The following CBFA2T2 variants were observed in gnomAD, a reference collection of about 807,000 sequenced individuals.
CBFA2T2 encodes the protein CBFA2/RUNX1 partner transcriptional co-repressor 2.
A neutral mutation model predicts 62.2 loss-of-function variants in CBFA2T2; 11 were observed. That is an observed-to-expected ratio of 0.18 (90% CI 0.11 to 0.29). The LOEUF (loss-of-function observed/expected upper bound fraction) is 0.29. Ranked by LOEUF, CBFA2T2 falls within the 10% of genes least tolerant of loss-of-function variation. CBFA2T2 has a pLI of 1.00. For missense variants in CBFA2T2, 592 were observed against 774.1 expected (o/e 0.76, Z 2.79); for synonymous variants, 295 against 287.5 (o/e 1.03, Z -0.27).
At chr20:33,633,937 T>C (rs2016539903) in intron 8 of CBFA2T2, among the ~76,000 whole-genome samples, 1 of 152,210 alleles carries the variant, frequency 6.6e-6, no homozygotes, top group Admixed American at 6.5e-5. Context: ...TGGTCAGCCA[T>C]CTAACTTTGC....
At chr20:33,575,665 A>G (rs1237419271) in intron 1 of CBFA2T2, among the ~76,000 whole-genome samples, 1 of 152,022 alleles carries the variant, frequency 6.6e-6, no homozygotes, top group Non-Finnish European at 1.5e-5. Context: ...ATCGGGTGTT[A>G]TACTAGGAAC....
intron 1 of CBFA2T2, among the ~76,000 whole-genome samples, chr20:33,564,754 AG>A (rs2013231160): frequency 1.3e-5 from 2 of 148,522 alleles, no homozygotes; most frequent in Admixed American, 1.3e-4. Context: ...TAATTTTGGT[AG>A]TTTTTATACA....
intron 1 of CBFA2T2, among the ~76,000 whole-genome samples, chr20:33,556,108 C>A (rs1159812705): frequency 6.6e-6 from 1 of 152,228 alleles, no homozygotes; most frequent in East Asian, 1.9e-4. Context: ...CTTAAGTAAG[C>A]CACCTTCCTT....
At chr20:33,532,435 T>A (rs1204308660) in intron 1 of CBFA2T2, among the ~76,000 whole-genome samples, 2 of 152,200 alleles carry the variant, frequency 1.3e-5, no homozygotes, top group Non-Finnish European at 2.9e-5. Context: ...ATCTACTAGC[T>A]CTTTTTCACC....
intron 3 of CBFA2T2, among the ~76,000 whole-genome samples, chr20:33,614,413 T>C (rs1224683871): frequency 6.6e-6 from 1 of 152,230 alleles, no homozygotes; most frequent in Admixed American, 6.5e-5. Context: ...TTTTTTTGAA[T>C]TGTGATGAAA....
intron 3 of CBFA2T2, among the ~76,000 whole-genome samples, chr20:33,617,648 A>T (rs1601074967): frequency 6.6e-6 from 1 of 152,354 alleles, no homozygotes; most frequent in East Asian, 1.9e-4. Context: ...TGCAGTAGAT[A>T]TAAAAGAGTG....
At position 33,515,574 on chromosome 20, in the gene CBFA2T2, G is replaced by GT. The variant is rs566037935; in HGVS notation, c.34+25274dup. The stretch of plus-strand genomic sequence containing the variant: ...CACTCTGTCATCCAGCGAGGCTGAG[G>GT]TGGGTGGGTCAGAGACCTCAAGTTT... On this transcript the variant is annotated intron_variant, in intron 1 of 10. Coordinates refer to ENST00000342704, the MANE Select transcript of CBFA2T2 (RefSeq NM_001032999.3). Among the ~76,000 whole-genome samples, 9 of 151,856 alleles carry GT rather than the reference G, an allele frequency of 5.9e-5. No individual in the cohort carries two copies. In the East Asian group the frequency reaches 1.4e-3, roughly 23 times the overall value.
At chr20:33,529,951 A>T (rs917812859) in intron 1 of CBFA2T2, among the ~76,000 whole-genome samples, 6 of 151,320 alleles carry the variant, frequency 4.0e-5, no homozygotes, top group African/African-American at 1.5e-4. Context: ...CACCTGGATA[A>T]TTTTTTTGTA....
At chr20:33,542,084 A>G (rs2012424201) in intron 1 of CBFA2T2, among the ~76,000 whole-genome samples, 1 of 152,170 alleles carries the variant, frequency 6.6e-6, no homozygotes, top group Admixed American at 6.5e-5. Context: ...CACCTGAAGA[A>G]CTTATTAAAG....
chr20:33,546,430 T>A lies in CBFA2T2; in HGVS notation c.34+56129T>A, dbSNP rs115608411. 5.5e-3 allele frequency among the ~76,000 whole-genome samples: 830 copies of A among 151,052 alleles called. 5 individuals carry two copies. Among genetic ancestry groups the A allele is most frequent in the African/African-American group, 0.019 (774 of 41,294 alleles). On this transcript the variant is annotated intron_variant, in intron 1 of 10. Coordinates refer to ENST00000342704, the MANE Select transcript of CBFA2T2 (RefSeq NM_001032999.3). ...AGCATGGCCTATCTGGATATACTTT[T>A]TTTTTTTTTTTTTCTTGGAGACACA...
intron 1 of CBFA2T2, among the ~76,000 whole-genome samples, chr20:33,597,664 A>G (rs2014948418): frequency 6.6e-6 from 1 of 151,584 alleles, no homozygotes; most frequent in African/African-American, 2.4e-5. Flanking sequence ...TCATCCTGAA[A>G]CCACTCCCTA....
intron 1 of CBFA2T2, among the ~76,000 whole-genome samples, chr20:33,521,682 AAGG>A (rs1461699869): frequency 6.6e-6 from 1 of 152,162 alleles, no homozygotes; most frequent in Non-Finnish European, 1.5e-5. Flanking sequence ...TGGTGAGACT[AAGG>A]AGAAGAGCTA....
At chr20:33,629,098 T>C (rs1305990184) in intron 7 of CBFA2T2, among the ~76,000 whole-genome samples, 1 of 152,206 alleles carries the variant, frequency 6.6e-6, no homozygotes, top group Non-Finnish European at 1.5e-5. Flanking sequence ...CATAGCAAGA[T>C]GGAATTCATT....
chr20:33,511,603 G>A (rs925735906), intron 1 of CBFA2T2, among the ~76,000 whole-genome samples: 2 of 152,166 alleles, frequency 1.3e-5, no homozygotes, highest in Non-Finnish European at 2.9e-5. Flanking sequence ...AAGGATTACA[G>A]GTGTGAGCCA....
At chr20:33,590,943 G>A in intron 1 of CBFA2T2, among the ~76,000 whole-genome samples, 1 of 152,082 alleles carries the variant, frequency 6.6e-6, no homozygotes, top group Non-Finnish European at 1.5e-5. Flanking sequence ...GGGAGGCCGA[G>A]GCAGGCAGAT....
chr20:33,627,258 G>A (rs774453610), intron 6 of CBFA2T2, among the ~76,000 whole-genome samples: 3 of 152,036 alleles, frequency 2.0e-5, no homozygotes, highest in Admixed American at 6.5e-5. Context: ...TTAGCTGGGC[G>A]TGGTTACAGG....
chr20:33,602,928 G>A (rs534859852), intron 1 of CBFA2T2, among the ~76,000 whole-genome samples: 2 of 152,272 alleles, frequency 1.3e-5, no homozygotes, highest in African/African-American at 2.4e-5. Context: ...GATGGTAACC[G>A]AGATGGCTAC....
At chr20:33,501,085 A>G (rs892011288) in intron 1 of CBFA2T2, among the ~76,000 whole-genome samples, 10 of 152,354 alleles carry the variant, frequency 6.6e-5, no homozygotes, top group African/African-American at 1.9e-4. Flanking sequence ...TTGTAATTAA[A>G]TGCAGAAATC....
At chr20:33,495,396 A>C (rs547154567) in intron 1 of CBFA2T2, among the ~76,000 whole-genome samples, 1 of 150,290 alleles carries the variant, frequency 6.7e-6, no homozygotes, top group East Asian at 1.9e-4. Context: ...CAAAAAAAAA[A>C]AAAAAAAAAG....
Sources: gnomAD v4.1 joint callset for allele counts (sites outside exome capture counted in the v4.1 genomes callset) on GRCh38, gnomAD v4.1.1 for gene constraint, MANE v1.5 for transcripts, NCBI Gene and HGNC (gene_info 2026-07-23, HGNC 2026-07-21) for gene names.